Variants in PRKCE observed in about 807,000 individuals in gnomAD.
PRKCE encodes the protein protein kinase C epsilon type.
In PRKCE, 16 loss-of-function variants were observed where a neutral mutation model predicts 85.4. That is an observed-to-expected ratio of 0.19 (90% confidence interval 0.13 to 0.28). The LOEUF is 0.28. Ranked by LOEUF, PRKCE falls within the 10% of genes least tolerant of loss-of-function variation. PRKCE has a pLI of 1.00. For missense variants in PRKCE, 573 were observed against 975.2 expected, an observed-to-expected ratio of 0.59 and a Z score of 5.49; for synonymous variants, 388 against 371.5, an observed-to-expected ratio of 1.04 and a Z score of -0.51.
At chr2:45,999,267 A>C (rs1704471202) in intron 6 of PRKCE, among the ~76,000 whole-genome samples, 1 of 152,178 alleles carries the variant, frequency 6.6e-6, no homozygotes, top group Admixed American at 6.5e-5. Flanking sequence ...TACAAGGCAG[A>C]TCACTGCCCA....
chr2:46,077,755 T>C (rs879269961), intron 10 of PRKCE, among the ~76,000 whole-genome samples: 14 of 152,216 alleles, frequency 9.2e-5, no homozygotes, highest in Non-Finnish European at 1.8e-4. Flanking sequence ...TCATTCTGTA[T>C]GAATTGACAG....
At position 46,050,702 on chromosome 2, in the gene PRKCE, T is replaced by C. The variant is rs561983440; in HGVS notation, c.1438-35506T>C. 5.3e-5 allele frequency among the ~76,000 whole-genome samples: 8 copies of C among 152,374 alleles called. No homozygotes were observed. In the East Asian group the frequency reaches 1.5e-3, roughly 29 times the overall value. On this transcript the variant is annotated intron_variant, in intron 10 of 14. Transcript: ENST00000306156. ...GGGACAATTTCAGGACACTGCCACC[T>C]GTGGCCTGCAAAGAGCATGACTTGA...
At chr2:46,084,121 A>G (rs1669357510) in intron 10 of PRKCE, among the ~76,000 whole-genome samples, 1 of 152,232 alleles carries the variant, frequency 6.6e-6, no homozygotes, top group Non-Finnish European at 1.5e-5. Context: ...TTCTGATTAC[A>G]AAATTGTACT....
intron 1 of PRKCE, among the ~76,000 whole-genome samples, chr2:45,754,083 C>T (rs562609707): frequency 3.9e-5 from 6 of 152,222 alleles, no homozygotes; most frequent in East Asian, 3.9e-4. Context: ...CTTTTGTAGG[C>T]GTAGGGGGAT....
intron 1 of PRKCE, among the ~76,000 whole-genome samples, chr2:45,830,331 G>T (rs1296842053): frequency 6.6e-6 from 1 of 151,822 alleles, no homozygotes; most frequent in Non-Finnish European, 1.5e-5. Context: ...GAGAAAACAG[G>T]AAGGCACTGC....
At chr2:45,677,171 G>C (rs1676509823) in intron 1 of PRKCE, 1 of 152,132 alleles carries the variant, frequency 6.6e-6, no homozygotes, top group Non-Finnish European at 1.5e-5. Context: ...TTTTTTGTCA[G>C]CTGCCATTGA....
chr2:46,183,626 G>A (rs749929554), intron 14 of PRKCE, among the ~76,000 whole-genome samples: 11 of 152,136 alleles, frequency 7.2e-5, no homozygotes, highest in Non-Finnish European at 1.2e-4. Flanking sequence ...TCCCCATGCC[G>A]CACTCTGCCC....
At chr2:45,935,617 T>C (rs574519993) in intron 2 of PRKCE, among the ~76,000 whole-genome samples, 109 of 152,174 alleles carry the variant, frequency 7.2e-4, no homozygotes, top group Non-Finnish European at 1.4e-3. Context: ...TGAAACCCCA[T>C]CTCTACTAAA....
intron 2 of PRKCE, among the ~76,000 whole-genome samples, chr2:45,870,728 G>A (rs936467211): frequency 6.6e-6 from 1 of 152,214 alleles, no homozygotes; most frequent in Non-Finnish European, 1.5e-5. Flanking sequence ...GTTACCTTAA[G>A]CCATGTCATC....
intron 10 of PRKCE, among the ~76,000 whole-genome samples, chr2:46,014,170 A>C (rs1348506359): frequency 6.6e-6 from 1 of 152,210 alleles, no homozygotes; most frequent in Admixed American, 6.5e-5. Flanking sequence ...CAGAACAACA[A>C]ATTAAGCCAG....
At chr2:45,877,963 A>C (rs934940654) in intron 2 of PRKCE, among the ~76,000 whole-genome samples, 1 of 152,264 alleles carries the variant, frequency 6.6e-6, no homozygotes, top group East Asian at 1.9e-4. Context: ...CTCATTCATC[A>C]TGATTGCATC....
intron 2 of PRKCE, 152 bp from the exon 3 acceptor site, chr2:45,976,277 C>T (rs530527802): frequency 8.4e-5 from 72 of 859,904 alleles, no homozygotes; most frequent in Middle Eastern, 7.4e-4. Context: ...AGTGGGACTC[C>T]TCAGACCCCC....
chr2:45,717,205 G>T (rs1378392936), intron 1 of PRKCE, among the ~76,000 whole-genome samples: 4 of 152,190 alleles, frequency 2.6e-5, no homozygotes, highest in African/African-American at 9.7e-5. Flanking sequence ...TTACAGTGAA[G>T]GAGGAGGAGC....
chr2:46,173,292 G>C (rs780789932), intron 14 of PRKCE, among the ~76,000 whole-genome samples: 4 of 152,218 alleles, frequency 2.6e-5, no homozygotes, highest in Admixed American at 6.5e-5. Flanking sequence ...CTGCTTTTGG[G>C]CTACAGTGGC....
intron 2 of PRKCE, among the ~76,000 whole-genome samples, chr2:45,865,885 A>G (rs1326083865): frequency 6.7e-6 from 1 of 149,258 alleles, no homozygotes; most frequent in South Asian, 2.1e-4. Context: ...TGATACAATT[A>G]AAATTCACTG....
chr2:46,095,904 A>G lies in PRKCE; in HGVS notation c.1592+9542A>G, dbSNP rs143951358. Among the ~76,000 whole-genome samples the G allele has an allele frequency of 4.4e-4, 67 of 152,368 alleles. 1 individual carries two copies. In the East Asian group the frequency reaches 0.012, roughly 28 times the overall value. ...TTTAGCCTTTGTGTAGCCAGACACT[A>G]TTCTAAACACTTTGCACATGTTACT... On this transcript the variant is annotated intron_variant, in intron 11 of 14. Coordinates refer to ENST00000306156, the MANE Select transcript of PRKCE (RefSeq NM_005400.3).
intron 1 of PRKCE, among the ~76,000 whole-genome samples, chr2:45,692,998 G>A (rs1417433705): frequency 6.6e-6 from 1 of 152,178 alleles, no homozygotes; most frequent in Non-Finnish European, 1.5e-5. Context: ...AGGATTGGAC[G>A]CTGGAGACTT....
chr2:45,905,865 C>T lies in PRKCE; in HGVS notation c.412+62802C>T, dbSNP rs1696932543. 6.6e-6 allele frequency among the ~76,000 whole-genome samples: 1 copy of T among 152,214 alleles called. No homozygotes were observed. The highest frequency in any genetic ancestry group is 6.5e-5 in the Admixed American group (1 of 15,280). ...GTGGCTCCCACAGTGGGAATAATTT[C>T]CTTGAAGGTCTTTACTCCAAGAGGT... On this transcript the variant is annotated intron_variant, in intron 2 of 14. Coordinates refer to ENST00000306156, the MANE Select transcript of PRKCE (RefSeq NM_005400.3). The surrounding 1 kb of genome is among the most constrained non-coding windows in gnomAD (Gnocchi z 4.4).
intron 2 of PRKCE, among the ~76,000 whole-genome samples, chr2:45,887,050 CCTT>C (rs923280940): frequency 2.0e-5 from 3 of 152,190 alleles, no homozygotes; most frequent in Non-Finnish European, 2.9e-5. Flanking sequence ...GAGTATTGCT[CCTT>C]CTTGTAAACT....
Sources: gnomAD v4.1 joint callset for allele counts (sites outside exome capture counted in the v4.1 genomes callset) on GRCh38, gnomAD v4.1.1 for gene constraint, Gnocchi (gnomAD v3.1) non-coding constraint, MANE v1.5 for transcripts, NCBI Gene and HGNC (gene_info 2026-07-23, HGNC 2026-07-21) for gene names.